The following ZNF253 variants were observed in gnomAD, a reference collection of about 807,000 sequenced individuals.
The protein encoded by ZNF253 is zinc finger protein 253.
In ZNF253, 8 loss-of-function variants were observed where a neutral mutation model predicts 11.9. The ratio of observed to expected loss-of-function variants is 0.67; its 90% CI spans 0.40 to 1.22. The LOEUF (loss-of-function observed/expected upper bound fraction) is 1.22, where lower values mean the gene tolerates loss of function less well. ZNF253 is among the 50% of genes most tolerant of loss of function. The probability of loss-of-function intolerance (pLI) is 0.01; values close to 1 mark genes in which losing one functional copy is unlikely to be tolerated. For synonymous variants in ZNF253, 194 were observed against 194.9 expected (o/e 1.00, Z 0.04); for missense variants, 485 against 586.9 (o/e 0.83, Z 1.79).
At chr19:19,865,847 G>T, upstream of ZNF253, 1 of 1,007,846 alleles carries the variant, frequency 9.9e-7, no homozygotes. Flanking sequence ...ATGGTTTCTG[G>T]GGGCCTTTGT....
At chr19:19,872,608 T>TATATATATATATA (rs2063139706) in intron 1 of ZNF253, among the ~76,000 whole-genome samples, 1 of 142,872 alleles carries the variant, frequency 7.0e-6, no homozygotes, top group East Asian at 2.0e-4. Context: ...TATAATCAAG[T>TATATATATATATA]TTATTTCTGT....
chr19:19,877,375 TTCTTC>T (rs1228785215), intron 1 of ZNF253, among the ~76,000 whole-genome samples: 2 of 145,070 alleles, frequency 1.4e-5, no homozygotes, highest in Admixed American at 1.4e-4. Context: ...GTTCTTCTTC[TTCTTC>T]TTTTTTTTTT....
chr19:19,866,101 C>T (rs1346418959), intron 1 of ZNF253, 102 bp downstream of exon 1: 6 of 1,511,000 alleles, frequency 4.0e-6, no homozygotes, highest in Non-Finnish European at 5.5e-6. Context: ...GCTCCACAAT[C>T]TGCCGCCGGA....
intron 1 of ZNF253, among the ~76,000 whole-genome samples, chr19:19,866,504 T>TTG (rs1555776648): frequency 6.6e-6 from 1 of 151,380 alleles, no homozygotes; most frequent in Non-Finnish European, 1.5e-5. Flanking sequence ...AAGGAAGGTT[T>TTG]TTTTTTTTTT....
At chr19:19,877,236 AT>A (rs1314713936) in intron 1 of ZNF253, among the ~76,000 whole-genome samples, 1 of 152,240 alleles carries the variant, frequency 6.6e-6, no homozygotes, top group Non-Finnish European at 1.5e-5. Flanking sequence ...CCTACTTAAA[AT>A]TCCTACTAAA....
chr19:19,880,148 TAGGTACGAGTGAA>T lies in ZNF253; in HGVS notation c.226+4_226+16del, dbSNP rs768134249. ...ATGAGATGATTGCCAAACCCCCAGG[TAGGTACGAGTGAA>T]AACGAATACAACAGATGACACAGAT... On this transcript the variant is annotated splice_donor_5th_base_variant and intron_variant, in intron 3 of 3. Transcript: ENST00000589717. 30 of 1,598,484 alleles carry T rather than the reference TAGGTACGAGTGAA, an allele frequency of 1.9e-5. No individual in the cohort carries two copies. The highest frequency in any genetic ancestry group is 3.5e-5 in the Admixed American group (2 of 57,962).
intron 1 of ZNF253, among the ~76,000 whole-genome samples, chr19:19,872,916 G>C (rs1405391357): frequency 4.6e-5 from 7 of 152,040 alleles, no homozygotes; most frequent in African/African-American, 1.7e-4. Flanking sequence ...AGGATGCAGA[G>C]CCAGGTGGAT....
At chr19:19,887,507 C>T (rs1040128855) in intron 3 of ZNF253, among the ~76,000 whole-genome samples, 6 of 151,760 alleles carry the variant, frequency 4.0e-5, no homozygotes, top group South Asian at 2.1e-4. Context: ...CCATGATGGC[C>T]GGGCTGGTTT....
rs1337025943 is a variant in ZNF253, at chr19:19,870,517, T to A, written c.3+4518T>A. Among the ~76,000 whole-genome samples, 4 of 152,276 alleles carry A rather than the reference T, an allele frequency of 2.6e-5. No homozygotes were observed. The East Asian group carries it at 7.7e-4, about 29-fold the overall frequency. ...TGTTAGAGTAGATATTAGTCTGACA[T>A]GTTTATTACTTTACTCAATAGGAAT... On this transcript the variant is annotated intron_variant, in intron 1 of 3. Coordinates refer to ENST00000589717, the MANE Select transcript of ZNF253 (RefSeq NM_021047.3).
chr19:19,885,223 CTTTCT>C (rs2063194131), intron 3 of ZNF253, among the ~76,000 whole-genome samples: 1 of 43,922 alleles, frequency 2.3e-5, no homozygotes, highest in Non-Finnish European at 3.8e-5. Context: ...TGTATTCTTT[CTTTCT>C]TTCTTTCTTT....
chr19:19,883,447 TA>T (rs1490875424), intron 3 of ZNF253, among the ~76,000 whole-genome samples: 1 of 151,710 alleles, frequency 6.6e-6, no homozygotes, highest in African/African-American at 2.4e-5. Context: ...CCTCTCTCTA[TA>T]AAAAAAATTT....
chr19:19,880,009 G>A (rs375706471), intron 2 of ZNF253, 42 bp from the exon 3 acceptor site: 7 of 1,443,084 alleles, frequency 4.9e-6, no homozygotes, highest in African/African-American at 4.2e-5. Context: ...TGTAATGGGA[G>A]TATATGAGCA....
chr19:19,878,690 A>C, intron 2 of ZNF253, 83 bp downstream of exon 2: 2 of 1,483,174 alleles, frequency 1.3e-6, no homozygotes, highest in Non-Finnish European at 1.8e-6. Context: ...TTAGTAATTT[A>C]TTCTTTGCAA....
chr19:19,879,148 G>T (rs1234680712), intron 2 of ZNF253, among the ~76,000 whole-genome samples: 1 of 152,068 alleles, frequency 6.6e-6, no homozygotes, highest in Non-Finnish European at 1.5e-5. Context: ...CTACATGCTT[G>T]AGTAAGGTGG....
At chr19:19,876,175 CA>C (rs1367854537) in intron 1 of ZNF253, among the ~76,000 whole-genome samples, 1 of 152,154 alleles carries the variant, frequency 6.6e-6, no homozygotes, top group Non-Finnish European at 1.5e-5. Context: ...ACAATGAGCC[CA>C]GGGGGAGCAA....
intron 3 of ZNF253, among the ~76,000 whole-genome samples, chr19:19,887,806 T>G (rs1354979171): frequency 6.9e-6 from 1 of 145,326 alleles, no homozygotes; most frequent in African/African-American, 2.5e-5. Context: ...GAAGTCTCAC[T>G]CTGCCACTCA....
Position 19,892,759 on chromosome 19 carries a change from G to C in ZNF253, c.*12G>C. ...TTAGCATAAGATAATTCATACTGGA[G>C]AGAAACCCTATGAATGTGATGAATG... On this transcript the variant is annotated 3_prime_UTR_variant, in exon 4 of 4. Transcript: ENST00000589717. 3 of 1,569,430 alleles carry C rather than the reference G, an allele frequency of 1.9e-6. No individual in the cohort carries two copies. The highest frequency in any genetic ancestry group is 2.6e-6 in the Non-Finnish European group (3 of 1,161,110).
intron 3 of ZNF253, among the ~76,000 whole-genome samples, chr19:19,882,614 T>A (rs1270286883): frequency 6.6e-6 from 1 of 152,224 alleles, no homozygotes; most frequent in Non-Finnish European, 1.5e-5. Flanking sequence ...TGGTTTTAAT[T>A]TGTATTACAA....
At chr19:19,879,383 AT>A (rs1218838530) in intron 2 of ZNF253, among the ~76,000 whole-genome samples, 1 of 152,076 alleles carries the variant, frequency 6.6e-6, no homozygotes, top group Non-Finnish European at 1.5e-5. Flanking sequence ...CCCCCACCTT[AT>A]TTTTTATCAT....
Sources: allele counts gnomAD v4.1 joint callset (sites outside exome capture counted in the v4.1 genomes callset), GRCh38; gene constraint gnomAD v4.1.1; transcripts MANE v1.5; gene names NCBI Gene and HGNC (gene_info 2026-07-23, HGNC 2026-07-21).